CCZ1: variants seen among roughly 807,000 people sequenced by gnomAD.
CCZ1 encodes vacuolar fusion protein CCZ1 homolog.
Under a neutral mutation model 57.8 loss-of-function variants are expected in CCZ1, and 19 were observed. The ratio of observed to expected loss-of-function variants is 0.33; its 90% CI spans 0.23 to 0.48. The LOEUF (loss-of-function observed/expected upper bound fraction) is 0.48. Ranked by LOEUF, CCZ1 falls within the 20% of genes least tolerant of loss-of-function variation. The pLI is 0.99. For synonymous variants in CCZ1, 81 were observed against 167.0 expected (o/e 0.49, Z 3.97); for missense variants, 200 against 492.0 (o/e 0.41, Z 5.61).
At chr7:5,906,442 C>T (rs1370705174) in intron 7 of CCZ1, among the ~76,000 whole-genome samples, 1 of 148,024 alleles carries the variant, frequency 6.8e-6, no homozygotes, top group Non-Finnish European at 1.5e-5. Context: ...CCTGCCTCAG[C>T]CTCCCAAGTA....
intron 8 of CCZ1, among the ~76,000 whole-genome samples, chr7:5,910,519 G>T (rs1781944693): frequency 6.8e-6 from 1 of 146,712 alleles, no homozygotes; most frequent in African/African-American, 2.5e-5. Context: ...AGTAGAGACA[G>T]GTTTCACTAT....
chr7:5,910,011 C>G (rs780404736), intron 7 of CCZ1, 24 bp from the exon 8 acceptor site: 4 of 1,597,862 alleles, frequency 2.5e-6, no homozygotes, highest in South Asian at 1.1e-5. Flanking sequence ...AAACGTTTAA[C>G]CCAGTGCTTT....
chr7:5,915,778 A>ACCCG (rs1554282610), intron 10 of CCZ1, among the ~76,000 whole-genome samples: 2 of 111,342 alleles, frequency 1.8e-5, no homozygotes, highest in African/African-American at 6.2e-5. Flanking sequence ...GTGTTCCAAA[A>ACCCG]CCCCCGGGAG....
At chr7:5,909,709 G>GA (rs983272409) in intron 7 of CCZ1, among the ~76,000 whole-genome samples, 4 of 129,504 alleles carry the variant, frequency 3.1e-5, no homozygotes, top group Non-Finnish European at 3.2e-5. Flanking sequence ...AAAAAAAAAA[G>GA]AAAAAAAAAT....
At position 5,912,062 on chromosome 7, in the gene CCZ1, G is replaced by A. The variant is rs575338684; in HGVS notation, c.842+140G>A. The stretch of plus-strand genomic sequence containing the variant: ...TCCGCCTCCCCGGGCTCAAGTGACT[G>A]TCATGCCTCAGCCTCCCAAGTAGCT... On this transcript the variant is annotated intron_variant, in intron 9 of 14. Coordinates refer to ENST00000325974, the MANE Select transcript of CCZ1 (RefSeq NM_015622.6). 562 of 1,557,318 alleles carry A rather than the reference G, an allele frequency of 3.6e-4. 8 individuals are homozygous for A. The South Asian group carries it at 6.2e-3, about 17-fold the overall frequency.
At chr7:5,910,582 T>A (rs1391199216) in intron 8 of CCZ1, among the ~76,000 whole-genome samples, 1 of 144,384 alleles carries the variant, frequency 6.9e-6, no homozygotes, top group African/African-American at 2.5e-5. Context: ...CACCTTGGCC[T>A]CCCAAAGTGC....
chr7:5,901,318 C>T (rs1781680590), intron 4 of CCZ1: 2 of 180,970 alleles, frequency 1.1e-5, no homozygotes, highest in Non-Finnish European at 2.0e-5. Flanking sequence ...AACCCTGTCT[C>T]TACTAAAACT....
At position 5,900,584 on chromosome 7, in the gene CCZ1, G is replaced by C. The variant is rs577078309; in HGVS notation, c.312+18G>C. ...TGGTCATGGTATTTACATACACAGT[G>C]TATCTTTCTGAAATTGTATGGTGAA... On this transcript the variant is annotated intron_variant, in intron 3 of 14. Transcript: ENST00000325974. 3.8e-6 allele frequency: 6 copies of C among 1,594,350 alleles called. No homozygotes were observed. The highest frequency in any genetic ancestry group is 4.3e-6 in the Non-Finnish European group (5 of 1,175,350).
chr7:5,925,899 A>G lies in CCZ1; in HGVS notation c.*212A>G, dbSNP rs1406062731. 7.6e-6 allele frequency: 5 copies of G among 658,926 alleles called. No individual in the cohort carries two copies. Among genetic ancestry groups the G allele is most frequent in the East Asian group, 2.7e-5 (1 of 36,762 alleles). 40.8% of individuals were successfully genotyped at this position (658,926 alleles called of 1,614,324 possible). On this transcript the variant is annotated 3_prime_UTR_variant, in exon 15 of 15. Coordinates refer to ENST00000325974, the MANE Select transcript of CCZ1 (RefSeq NM_015622.6). ...ATTAAAGGTAGTTGGCTATATCGCT[A>G]TCATTTCATTCTTTTGACATTATGT...
rs149535344 is a variant in CCZ1 at position 5,915,558 on chromosome 7, C to T, written c.954+2604C>T. Among the ~76,000 whole-genome samples the T allele has an allele frequency of 4.3e-3, 651 of 149,920 alleles. 5 individuals are homozygous for T. The highest frequency in any genetic ancestry group is 0.015 in the African/African-American group (612 of 40,142). ...CTTAATGACTTTGAGATACAATGCACGTACCATACAACTCACCCTCGTACA... is the reference window on the plus strand; with the variant it reads ...CTTAATGACTTTGAGATACAATGCATGTACCATACAACTCACCCTCGTACA... On this transcript the variant is annotated intron_variant, in intron 10 of 14. Coordinates refer to ENST00000325974, the MANE Select transcript of CCZ1 (RefSeq NM_015622.6).
chr7:5,911,297 C>G lies in CCZ1; in HGVS notation c.781-564C>G, dbSNP rs545138574. On this transcript the variant is annotated intron_variant, in intron 8 of 14. Coordinates refer to ENST00000325974, the MANE Select transcript of CCZ1 (RefSeq NM_015622.6). ...ATTTTGGCTCAGTTGAACTCACTCTCTTCGCTTGTTCGTTCCCTCCCTCTT... is the reference window on the plus strand; with the variant it reads ...ATTTTGGCTCAGTTGAACTCACTCTGTTCGCTTGTTCGTTCCCTCCCTCTT... Among the ~76,000 whole-genome samples the G allele has an allele frequency of 6.7e-5, 10 of 148,998 alleles. 1 individual carries two copies. The South Asian group carries it at 1.3e-3, about 20-fold the overall frequency.
intron 7 of CCZ1, among the ~76,000 whole-genome samples, chr7:5,907,134 C>T (rs911349345): frequency 4.0e-5 from 6 of 149,816 alleles, no homozygotes; most frequent in Admixed American, 4.0e-4. Flanking sequence ...GCTGGGATTA[C>T]AGGTGTGAGC....
At chr7:5,907,572 T>A (rs1000511075) in intron 7 of CCZ1, among the ~76,000 whole-genome samples, 4 of 146,174 alleles carry the variant, frequency 2.7e-5, no homozygotes, top group African/African-American at 7.7e-5. Context: ...TTCCAGGAGC[T>A]CATTCTGGGA....
chr7:5,910,859 C>G (rs1339996891), intron 8 of CCZ1, among the ~76,000 whole-genome samples: 3 of 147,306 alleles, frequency 2.0e-5, no homozygotes. Context: ...CCTCAGGCTC[C>G]CGAGTAGCTG....
intron 7 of CCZ1, among the ~76,000 whole-genome samples, 171 bp downstream of exon 7, chr7:5,905,440 G>A (rs1371160596): frequency 6.9e-6 from 1 of 144,156 alleles, no homozygotes; most frequent in Non-Finnish European, 1.5e-5. Flanking sequence ...AGCAGAACTA[G>A]GGTGATTTGG....
rs756852204 is a variant in CCZ1 at position 5,902,626 on chromosome 7, C to G, written c.439-35C>G. On this transcript the variant is annotated intron_variant, in intron 5 of 14. Coordinates refer to ENST00000325974, the MANE Select transcript of CCZ1 (RefSeq NM_015622.6). ...ATACTGAAAAAGTGAGCATAGGAAA[C>G]TGATTTTTTTTCCTGCAATCTTTTA... 272 of 1,554,714 alleles carry G rather than the reference C, an allele frequency of 1.7e-4. 8 individuals carry two copies. Among genetic ancestry groups the G allele is most frequent in the Non-Finnish European group, 2.3e-4 (265 of 1,163,396 alleles).
intron 6 of CCZ1, among the ~76,000 whole-genome samples, chr7:5,904,610 A>C (rs1781760970): frequency 1.4e-5 from 2 of 146,886 alleles, no homozygotes; most frequent in South Asian, 2.3e-4. Context: ...AGGCAGGCAG[A>C]TCACGAGTCA....
chr7:5,910,926 G>A lies in CCZ1; in HGVS notation c.780+810G>A, dbSNP rs1383873442. Among the ~76,000 whole-genome samples the A allele has an allele frequency of 3.5e-5, 5 of 144,124 alleles. 1 individual carries two copies. The East Asian group carries it at 1.2e-3, about 35-fold the overall frequency. The allele number at this position is 144,124 out of a possible 152,430, so 94.6% of individuals were successfully genotyped here. ...AATTTTTATATTTTTAGTAGAGACG[G>A]AGTTTCACCATGTTGGCCAGGCTGG... On this transcript the variant is annotated intron_variant, in intron 8 of 14. Coordinates refer to ENST00000325974, the MANE Select transcript of CCZ1 (RefSeq NM_015622.6).
chr7:5,900,243 T>C lies in CCZ1; in HGVS notation c.121-41T>C, dbSNP rs1233221925. 4.5e-6 allele frequency: 6 copies of C among 1,325,664 alleles called. No homozygotes were observed. In the Admixed American group the frequency reaches 8.0e-5, roughly 18 times the overall value. The allele number at this position is 1,325,664 out of a possible 1,614,324, so 82.1% of individuals were successfully genotyped here. A position where few individuals can be genotyped will look rare whatever the true frequency, so the allele number is the denominator to read the frequency against. On this transcript the variant is annotated intron_variant, in intron 1 of 14. Coordinates refer to ENST00000325974, the MANE Select transcript of CCZ1 (RefSeq NM_015622.6). Reference sequence around the variant, plus strand: ...AGCGTTTTCAATAGCTAAGATGAAATGTTTCTATTCATGTTGTGCTTCTGT... The same window carrying C: ...AGCGTTTTCAATAGCTAAGATGAAACGTTTCTATTCATGTTGTGCTTCTGT...
Sources: gnomAD v4.1 joint callset for allele counts (sites outside exome capture counted in the v4.1 genomes callset) on GRCh38, gnomAD v4.1.1 for gene constraint, MANE v1.5 for transcripts, NCBI Gene and HGNC (gene_info 2026-07-23, HGNC 2026-07-21) for gene names.